The following NWD2 variants were observed in gnomAD, a reference collection of about 807,000 sequenced individuals.
The protein encoded by NWD2 is NACHT and WD repeat domain containing 2.
In NWD2, 37 loss-of-function variants were observed where a neutral mutation model predicts 132.7. The ratio of observed to expected loss-of-function variants is 0.28; its 90% CI spans 0.21 to 0.37. The LOEUF (loss-of-function observed/expected upper bound fraction) is 0.37. Among genes scored for constraint, NWD2 ranks in the 10% least tolerant of loss-of-function variants. NWD2 has a pLI of 1.00. For synonymous variants in NWD2, 705 were observed against 803.0 expected (o/e 0.88, Z 2.06); for missense variants, 1,592 against 2,122.4 (o/e 0.75, Z 4.91).
chr4:37,259,937 C>G (rs1235967772), intron 1 of NWD2, among the ~76,000 whole-genome samples: 1 of 152,234 alleles, frequency 6.6e-6, no homozygotes, highest in Non-Finnish European at 1.5e-5. Flanking sequence ...CCATGCCTTT[C>G]TGGCAGGAGC....
chr4:37,252,090 G>C (rs996375288), intron 1 of NWD2, among the ~76,000 whole-genome samples: 2 of 152,186 alleles, frequency 1.3e-5, no homozygotes, highest in East Asian at 1.9e-4. Context: ...TGGCTTTCCC[G>C]ATAATGAATA....
At chr4:37,393,099 T>C (rs1720711327) in intron 3 of NWD2, among the ~76,000 whole-genome samples, 1 of 151,596 alleles carries the variant, frequency 6.6e-6, no homozygotes, top group Non-Finnish European at 1.5e-5. Context: ...CCTCAGGAAG[T>C]GAAAGGGAGC....
chr4:37,342,205 A>T (rs1719542052), intron 2 of NWD2, among the ~76,000 whole-genome samples: 1 of 152,104 alleles, frequency 6.6e-6, no homozygotes, highest in Admixed American at 6.5e-5. Flanking sequence ...GTAATGAGTG[A>T]GTTTTCATTC....
chr4:37,248,220 C>A (rs1717283889), intron 1 of NWD2, among the ~76,000 whole-genome samples: 1 of 152,122 alleles, frequency 6.6e-6, no homozygotes, highest in Non-Finnish European at 1.5e-5. Flanking sequence ...GGGGGATAAG[C>A]ACTGTCCAGC....
At chr4:37,333,955 G>C (rs977875697) in intron 2 of NWD2, among the ~76,000 whole-genome samples, 3 of 151,934 alleles carry the variant, frequency 2.0e-5, no homozygotes, top group Non-Finnish European at 4.4e-5. Flanking sequence ...TCTCTTACCA[G>C]CAGAATTGAT....
chr4:37,411,665 G>A (rs1040096129), intron 3 of NWD2, among the ~76,000 whole-genome samples: 1 of 152,126 alleles, frequency 6.6e-6, no homozygotes, highest in Non-Finnish European at 1.5e-5. Context: ...ACCAAAACCT[G>A]GCAGAGACAC....
At chr4:37,294,248 G>T (rs1718429499) in intron 1 of NWD2, among the ~76,000 whole-genome samples, 1 of 152,150 alleles carries the variant, frequency 6.6e-6, no homozygotes, top group Admixed American at 6.5e-5. Flanking sequence ...GAGAATTAGG[G>T]TTACTGTCTG....
At chr4:37,324,999 G>A (rs1719141389) in intron 1 of NWD2, among the ~76,000 whole-genome samples, 1 of 152,080 alleles carries the variant, frequency 6.6e-6, no homozygotes, top group Non-Finnish European at 1.5e-5. Flanking sequence ...TTTAGCAAAT[G>A]GTACTTTTCA....
intron 1 of NWD2, among the ~76,000 whole-genome samples, chr4:37,274,534 C>T (rs1246457425): frequency 1.3e-5 from 2 of 152,136 alleles, no homozygotes; most frequent in Non-Finnish European, 2.9e-5. Context: ...CCTTCTGAAA[C>T]TATTCCAATC....
At chr4:37,297,583 G>C (rs949957308) in intron 1 of NWD2, among the ~76,000 whole-genome samples, 13 of 152,078 alleles carry the variant, frequency 8.5e-5, no homozygotes, top group African/African-American at 3.1e-4. Context: ...CATTTATTAG[G>C]AACTACCAGT....
At chr4:37,328,707 A>G (rs1358140074) in intron 2 of NWD2, among the ~76,000 whole-genome samples, 1 of 152,120 alleles carries the variant, frequency 6.6e-6, no homozygotes, top group Non-Finnish European at 1.5e-5. Flanking sequence ...ACAAACATAC[A>G]TGTGCATGTG....
intron 1 of NWD2, among the ~76,000 whole-genome samples, chr4:37,272,893 G>A (rs75789421): frequency 0.012 from 1,816 of 151,812 alleles, 27 homozygotes; most frequent in East Asian, 0.082. Flanking sequence ...CAGAGCATAT[G>A]TTATCTCCTG....
chr4:37,416,953 G>A (rs1180478300), intron 3 of NWD2, among the ~76,000 whole-genome samples: 2 of 151,992 alleles, frequency 1.3e-5, no homozygotes, highest in Admixed American at 1.3e-4. Context: ...GGGAAAGGGT[G>A]GGAGGGGGAT....
intron 1 of NWD2, among the ~76,000 whole-genome samples, chr4:37,247,337 G>A (rs903318510): frequency 1.3e-5 from 2 of 152,182 alleles, no homozygotes; most frequent in Non-Finnish European, 2.9e-5. Flanking sequence ...CTGTGTTTTG[G>A]TATGATCCAA....
intron 1 of NWD2, among the ~76,000 whole-genome samples, chr4:37,250,837 C>T (rs1037974302): frequency 1.3e-5 from 2 of 152,162 alleles, no homozygotes; most frequent in African/African-American, 4.8e-5. Flanking sequence ...TAGATGATAC[C>T]GTTTACTATA....
At chr4:37,366,596 C>CA (rs1247564517) in intron 3 of NWD2, among the ~76,000 whole-genome samples, 2 of 152,074 alleles carry the variant, frequency 1.3e-5, no homozygotes, top group East Asian at 3.9e-4. Context: ...ATGCGGTTTT[C>CA]AAGAGTTCTC....
At chr4:37,314,681 G>T (rs1342117480) in intron 1 of NWD2, among the ~76,000 whole-genome samples, 1 of 152,090 alleles carries the variant, frequency 6.6e-6, no homozygotes, top group Non-Finnish European at 1.5e-5. Flanking sequence ...GGTCAACCTA[G>T]CTGACAGTTG....
intron 1 of NWD2, among the ~76,000 whole-genome samples, chr4:37,254,383 A>G (rs912212620): frequency 6.6e-5 from 10 of 152,230 alleles, no homozygotes; most frequent in African/African-American, 2.4e-4. Context: ...GATCTGTAAT[A>G]CCAGCATTCA....
intron 1 of NWD2, among the ~76,000 whole-genome samples, chr4:37,275,298 C>A (rs1359714875): frequency 1.3e-5 from 2 of 150,608 alleles, no homozygotes; most frequent in East Asian, 2.0e-4. Flanking sequence ...AGACAAACAG[C>A]CAAATCATGA....
Sources: allele counts gnomAD v4.1 joint callset (sites outside exome capture counted in the v4.1 genomes callset), GRCh38; gene constraint gnomAD v4.1.1; transcripts MANE v1.5; gene names NCBI Gene and HGNC (gene_info 2026-07-23, HGNC 2026-07-21).